The following PCDH11X variants were observed in gnomAD, a reference collection of about 807,000 sequenced individuals.
PCDH11X encodes protocadherin-11 X-linked.
PCDH11X carries 18 observed loss-of-function variants against 53.3 expected under a neutral mutation model. The observed-to-expected ratio is 0.34, with a 90% CI of 0.23 to 0.50. The LOEUF is 0.50. PCDH11X is among the 20% of genes least tolerant of loss of function. PCDH11X has a pLI of 0.98. For synonymous variants in PCDH11X, 279 were observed against 393.3 expected, an observed-to-expected ratio of 0.71 and a Z score of 3.44; for missense variants, 570 against 1,032.4, an observed-to-expected ratio of 0.55 and a Z score of 6.14.
At chrX:91,793,430 A>C (rs1460718033) in intron 1 of PCDH11X, among the ~76,000 whole-genome samples, 5 of 110,218 alleles carry the variant, frequency 4.5e-5, no homozygotes, top group Non-Finnish European at 9.5e-5. Flanking sequence ...CACTTTTTGA[A>C]TCTTATTCGG....
Position 91,831,534 on chromosome X carries a change from C to T in PCDH11X, c.-44-3927C>T, listed in dbSNP as rs143615678. ...AGACTAAGCAGTGATTATTTATATC[C>T]GTATTTAGTAGCTAAATTTCTGTAC... On this transcript the variant is annotated intron_variant, in intron 4 of 10. Coordinates refer to ENST00000682573, the MANE Select transcript of PCDH11X (RefSeq NM_032968.5). 7.6e-3 allele frequency among the ~76,000 whole-genome samples: 832 copies of T among 109,621 alleles called. 10 individuals carry two copies. The highest frequency in any genetic ancestry group is 0.026 in the African/African-American group (789 of 30,145).
At chrX:92,210,348 C>T (rs2066561534) in intron 7 of PCDH11X, among the ~76,000 whole-genome samples, 1 of 102,406 alleles carries the variant, frequency 9.8e-6, no homozygotes, top group Admixed American at 1.1e-4. Context: ...ATACCATTCT[C>T]CTGCCTCAGT....
intron 10 of PCDH11X, among the ~76,000 whole-genome samples, chrX:92,482,405 A>T (rs1358896168): frequency 9.2e-6 from 1 of 109,272 alleles, no homozygotes; most frequent in East Asian, 2.9e-4. Context: ...CTGTGAAATA[A>T]TTTTCTATGA....
At chrX:92,404,007 C>A in intron 9 of PCDH11X, among the ~76,000 whole-genome samples, 1 of 109,072 alleles carries the variant, frequency 9.2e-6, no homozygotes, top group Non-Finnish European at 1.9e-5. Context: ...CACTGAAGTT[C>A]CACTGTTTAA....
intron 6 of PCDH11X, among the ~76,000 whole-genome samples, chrX:91,889,677 G>A (rs1291498016): frequency 1.8e-5 from 2 of 110,705 alleles, no homozygotes; most frequent in African/African-American, 6.6e-5. Flanking sequence ...CTTCCAGATT[G>A]TTATCATGAC....
chrX:92,008,540 A>G (rs1355865682), intron 6 of PCDH11X, among the ~76,000 whole-genome samples: 1 of 110,200 alleles, frequency 9.1e-6, no homozygotes, highest in African/African-American at 3.3e-5. Context: ...GTAATTCTAC[A>G]GGGTTTATTT....
intron 4 of PCDH11X, among the ~76,000 whole-genome samples, chrX:91,818,519 G>A (rs1443823293): frequency 4.7e-5 from 5 of 105,749 alleles, no homozygotes; most frequent in Non-Finnish European, 9.5e-5. Flanking sequence ...CTAATATGGT[G>A]AAACCCCATC....
chrX:91,798,351 G>A (rs1332674637), intron 1 of PCDH11X: 3 of 111,301 alleles, frequency 2.7e-5, no homozygotes, highest in Non-Finnish European at 5.6e-5. Context: ...CACTTTGGGA[G>A]GCCGAGGCAG....
intron 10 of PCDH11X, among the ~76,000 whole-genome samples, chrX:92,580,646 G>C (rs2148785649): frequency 9.0e-6 from 1 of 111,173 alleles, no homozygotes; most frequent in African/African-American, 3.3e-5. Flanking sequence ...CCTCCCCCTG[G>C]GATCTCAGTC....
chrX:91,811,378 A>T, intron 4 of PCDH11X, 83 bp downstream of exon 4: 1 of 846,878 alleles, frequency 1.2e-6, no homozygotes, highest in South Asian at 2.4e-5. Flanking sequence ...CTGAACTCCA[A>T]TTTTTCATGT....
In PCDH11X at chrX:91,883,615, C is replaced by A. The variant is rs1166173691; in HGVS notation, c.3033+4342C>A. ...GGTCAGGAGATTGAGACCATCCTGG[C>A]TAACACGGTGAAACCCCATCTCCAC... On this transcript the variant is annotated intron_variant, in intron 6 of 10. Coordinates refer to ENST00000682573, the MANE Select transcript of PCDH11X (RefSeq NM_032968.5). 8.5e-6 allele frequency: 5 copies of A among 588,475 alleles called. No individual in the cohort carries two copies. In the African/African-American group the frequency reaches 1.0e-4, roughly 12 times the overall value. 48.5% of individuals were successfully genotyped at this position (588,475 alleles called of 1,213,427 possible). A position where few individuals can be genotyped will look rare whatever the true frequency, so the allele number is the denominator to read the frequency against.
chrX:91,872,236 T>C (rs1939359085), intron 5 of PCDH11X, among the ~76,000 whole-genome samples: 1 of 108,084 alleles, frequency 9.3e-6, no homozygotes, highest in African/African-American at 3.3e-5. Context: ...ATTGACACTT[T>C]GGCTTTTATT....
intron 7 of PCDH11X, among the ~76,000 whole-genome samples, chrX:92,251,829 T>C (rs2067466831): frequency 9.0e-6 from 1 of 110,807 alleles, no homozygotes; most frequent in South Asian, 3.8e-4. Context: ...TAAAGTTTGT[T>C]TTAATAAGAT....
At chrX:91,908,341 A>G (rs1941258593) in intron 6 of PCDH11X, among the ~76,000 whole-genome samples, 1 of 111,984 alleles carries the variant, frequency 8.9e-6, no homozygotes, top group Non-Finnish European at 1.9e-5. Context: ...GGCAAAACAA[A>G]CAACGCCATA....
At chrX:92,318,904 A>G (rs12390938) in intron 8 of PCDH11X, among the ~76,000 whole-genome samples, 3,038 of 111,786 alleles carry the variant, frequency 0.027, 97 homozygotes, top group African/African-American at 0.092. Context: ...TAGCGATTTC[A>G]CCAGCATTAT....
chrX:92,089,800 G>A (rs1467500329), intron 6 of PCDH11X, among the ~76,000 whole-genome samples: 3 of 109,240 alleles, frequency 2.7e-5, no homozygotes, highest in Non-Finnish European at 3.8e-5. Context: ...TGGGATTACA[G>A]GCATGAGCCA....
At chrX:91,809,745 T>C (rs1186520769) in intron 2 of PCDH11X, among the ~76,000 whole-genome samples, 111 bp downstream of exon 2, 1 of 108,041 alleles carries the variant, frequency 9.3e-6, no homozygotes, top group Non-Finnish European at 1.9e-5. Context: ...TATTGGACCA[T>C]GCAGATTATT....
chrX:91,893,945 G>A (rs1940624957), intron 6 of PCDH11X, among the ~76,000 whole-genome samples: 1 of 111,540 alleles, frequency 9.0e-6, no homozygotes, highest in South Asian at 3.8e-4. Context: ...GAGTTCTTAA[G>A]TTAGCCCTTT....
chrX:91,964,717 A>G lies in PCDH11X; in HGVS notation c.3033+85444A>G, dbSNP rs777794620. On this transcript the variant is annotated intron_variant, in intron 6 of 10. Coordinates refer to ENST00000682573, the MANE Select transcript of PCDH11X (RefSeq NM_032968.5). Reference sequence around the variant, plus strand: ...ATTTTCCTCCATCAGCAGGACTTACATGTGCTTTGTTTAGAGAGCTGACAG... The same window carrying G: ...ATTTTCCTCCATCAGCAGGACTTACGTGTGCTTTGTTTAGAGAGCTGACAG... Among the ~76,000 whole-genome samples, 56 of 112,273 alleles carry G rather than the reference A, an allele frequency of 5.0e-4. 1 individual carries two copies. Among genetic ancestry groups the G allele is most frequent in the Middle Eastern group, 9.2e-3 (2 of 217 alleles).
Sources: gnomAD v4.1 joint callset for allele counts (sites outside exome capture counted in the v4.1 genomes callset) on GRCh38, gnomAD v4.1.1 for gene constraint, MANE v1.5 for transcripts, NCBI Gene and HGNC (gene_info 2026-07-23, HGNC 2026-07-21) for gene names.